The following PPP2R2B variants were observed in gnomAD, a reference collection of about 807,000 sequenced individuals.
PPP2R2B encodes the protein serine/threonine-protein phosphatase 2A 55 kDa regulatory subunit B beta isoform.
In PPP2R2B, 5 loss-of-function variants were observed where a neutral mutation model predicts 46.0. The observed-to-expected ratio is 0.11, with a 90% CI of 0.06 to 0.23. The LOEUF (loss-of-function observed/expected upper bound fraction) is 0.23. PPP2R2B is among the 10% of genes least tolerant of loss of function. The pLI is 1.00. For missense variants in PPP2R2B, 367 were observed against 575.0 expected (o/e 0.64, Z 3.70); for synonymous variants, 215 against 206.7 (o/e 1.04, Z -0.34).
intron 5 of PPP2R2B, among the ~76,000 whole-genome samples, chr5:146,677,212 G>A (rs1777787853): frequency 6.6e-6 from 1 of 152,214 alleles, no homozygotes. Context: ...ATTGGACAGA[G>A]TTTTCGCTTT....
At chr5:146,967,255 A>G (rs1435298768) in intron 1 of PPP2R2B, among the ~76,000 whole-genome samples, 1 of 152,194 alleles carries the variant, frequency 6.6e-6, no homozygotes, top group Non-Finnish European at 1.5e-5. Context: ...CTTTCTCCCA[A>G]GCTAAATCTC....
rs1244176506 is a variant in PPP2R2B at position 146,592,890 on chromosome 5, C to T, written c.1052+81G>A. 7 of 1,390,446 alleles carry T rather than the reference C, an allele frequency of 5.0e-6. No individual in the cohort carries two copies. In the East Asian group the frequency reaches 1.6e-4, roughly 32 times the overall value. 86.1% of individuals were successfully genotyped at this position (1,390,446 alleles called of 1,614,324 possible). On this transcript the variant is annotated intron_variant, in intron 9 of 9. Transcript: ENST00000394411. ...GGGCCCAATTTTGACCTCCCTTTGG[C>T]TGTACTCTACTTAGGATAAATTCCC...
chr5:146,763,683 T>C (rs1431872556), intron 2 of PPP2R2B, among the ~76,000 whole-genome samples: 1 of 152,192 alleles, frequency 6.6e-6, no homozygotes, highest in Non-Finnish European at 1.5e-5. Context: ...ACCTGTCATG[T>C]GCCACCTGCT....
chr5:146,659,520 T>A (rs992768277), intron 5 of PPP2R2B, among the ~76,000 whole-genome samples: 1 of 152,196 alleles, frequency 6.6e-6, no homozygotes, highest in African/African-American at 2.4e-5. Flanking sequence ...GTTGGGGATA[T>A]GTAACATTTT....
chr5:146,739,462 CAACTCATATGAA>C (rs1295566540), intron 2 of PPP2R2B, among the ~76,000 whole-genome samples: 3 of 152,088 alleles, frequency 2.0e-5, no homozygotes, highest in Non-Finnish European at 1.5e-5. Context: ...GGGTGGGGGA[CAACTCATATGAA>C]GACTCATAGA....
At chr5:146,877,892 C>T in intron 2 of PPP2R2B, 110 bp downstream of exon 2, 1 of 1,320,232 alleles carries the variant, frequency 7.6e-7, no homozygotes, top group Non-Finnish European at 1.0e-6. Context: ...CCGCCCCAGC[C>T]CTAGGGCCCG....
At chr5:146,826,259 C>T (rs1046445785) in intron 2 of PPP2R2B, among the ~76,000 whole-genome samples, 5 of 152,096 alleles carry the variant, frequency 3.3e-5, no homozygotes, top group Admixed American at 2.0e-4. Flanking sequence ...AACTTGACAT[C>T]GGATTATTCT....
In PPP2R2B at chr5:146,585,869, AGGT is replaced by A. The variant is rs1770134149; in HGVS notation, c.*4075_*4077del. The A allele has an allele frequency of 6.6e-6, 1 of 152,226 alleles. No individual in the cohort carries two copies. Among genetic ancestry groups the A allele is most frequent in the Non-Finnish European group, 1.5e-5 (1 of 68,052 alleles). 9.4% of individuals were successfully genotyped at this position (152,226 alleles called of 1,614,324 possible). A position where few individuals can be genotyped will look rare whatever the true frequency, so the allele number is the denominator to read the frequency against. On this transcript the variant is annotated 3_prime_UTR_variant, in exon 10 of 10. Coordinates refer to ENST00000394411, the MANE Select transcript of PPP2R2B (RefSeq NM_181675.4). ...ATAGATGTCTTTCTGGCCATTTTAC[AGGT>A]GATGACACTGACATAGGGACTGAGT...
At chr5:147,043,218 T>C (rs755680982) in intron 1 of PPP2R2B, among the ~76,000 whole-genome samples, 10 of 151,960 alleles carry the variant, frequency 6.6e-5, no homozygotes, top group Non-Finnish European at 1.2e-4. Context: ...AAGAAAGCTT[T>C]GGGAGGGAGG....
chr5:146,750,346 T>C (rs943376067), intron 2 of PPP2R2B, among the ~76,000 whole-genome samples: 1 of 152,240 alleles, frequency 6.6e-6, no homozygotes, highest in Non-Finnish European at 1.5e-5. Flanking sequence ...TTGGTGGGAT[T>C]TTGATAGCAA....
Position 146,695,398 on chromosome 5 carries a change from G to A in PPP2R2B, c.334+2581C>T, listed in dbSNP as rs149760634. 1.8e-3 allele frequency among the ~76,000 whole-genome samples: 270 copies of A among 152,148 alleles called. 2 individuals are homozygous for A. The highest frequency in any genetic ancestry group is 6.2e-3 in the African/African-American group (259 of 41,522). On this transcript the variant is annotated intron_variant, in intron 4 of 9. Transcript: ENST00000394411. Reference sequence around the variant, plus strand: ...GAAGCAGAAAATGAGGTAAAACAATGTGTTTTTATGTCATAAATAATTTGA... The same window carrying A: ...GAAGCAGAAAATGAGGTAAAACAATATGTTTTTATGTCATAAATAATTTGA...
chr5:146,657,725 G>A (rs748128227), intron 5 of PPP2R2B, among the ~76,000 whole-genome samples: 5 of 151,944 alleles, frequency 3.3e-5, no homozygotes, highest in Non-Finnish European at 5.9e-5. Context: ...CCCCATAGAC[G>A]ACCCCATCCC....
At chr5:147,063,240 G>A (rs1348727646) in intron 2 of PPP2R2B, among the ~76,000 whole-genome samples, 1 of 152,146 alleles carries the variant, frequency 6.6e-6, no homozygotes, top group African/African-American at 2.4e-5. Context: ...GGTAGCATCT[G>A]AGATAGGCTA....
intron 7 of PPP2R2B, among the ~76,000 whole-genome samples, chr5:146,634,051 C>T (rs1013742194): frequency 2.6e-5 from 4 of 152,154 alleles, no homozygotes; most frequent in Admixed American, 2.6e-4. Context: ...CCATGGGCTG[C>T]CCAGATATTT....
intron 1 of PPP2R2B, among the ~76,000 whole-genome samples, chr5:146,892,204 T>C (rs1437098395): frequency 6.6e-6 from 1 of 152,224 alleles, no homozygotes; most frequent in Non-Finnish European, 1.5e-5. Context: ...AGTCCCAGAC[T>C]TAGAAGAGCA....
chr5:146,943,434 G>T (rs979778236), intron 1 of PPP2R2B, among the ~76,000 whole-genome samples: 2 of 152,130 alleles, frequency 1.3e-5, no homozygotes, highest in Non-Finnish European at 1.5e-5. Flanking sequence ...ATAGTTAATT[G>T]AATTTATCAA....
chr5:146,839,415 G>A (rs34591087), intron 2 of PPP2R2B, among the ~76,000 whole-genome samples: 6,889 of 152,286 alleles, frequency 0.045, 243 homozygotes, highest in Non-Finnish European at 0.071. Flanking sequence ...AGCTACTCGG[G>A]AGGCTGGGGC....
chr5:146,986,667 A>G (rs1304810273), intron 1 of PPP2R2B, among the ~76,000 whole-genome samples: 1 of 152,214 alleles, frequency 6.6e-6, no homozygotes, highest in Non-Finnish European at 1.5e-5. Flanking sequence ...AAGCAGAAGA[A>G]ATAATCAGTG....
chr5:146,807,004 AG>A (rs1284923782), intron 2 of PPP2R2B, among the ~76,000 whole-genome samples: 2 of 152,172 alleles, frequency 1.3e-5, no homozygotes, highest in Non-Finnish European at 2.9e-5. Context: ...CTTATGACCT[AG>A]GTGCTCTGAA....
Sources: gnomAD v4.1 joint callset for allele counts (sites outside exome capture counted in the v4.1 genomes callset) on GRCh38, gnomAD v4.1.1 for gene constraint, MANE v1.5 for transcripts, NCBI Gene and HGNC (gene_info 2026-07-23, HGNC 2026-07-21) for gene names.